CARD8: variants seen among roughly 807,000 people sequenced by gnomAD.
The protein encoded by CARD8 is caspase recruitment domain-containing protein 8.
A neutral mutation model predicts 53.2 loss-of-function variants in CARD8; 38 were observed. The ratio of observed to expected loss-of-function variants is 0.71; its 90% CI spans 0.55 to 0.94. The LOEUF is 0.94. Among genes scored for constraint, CARD8 ranks in the 40% least tolerant of loss-of-function variants. The probability of loss-of-function intolerance (pLI) is 0.00; values close to 1 mark genes in which losing one functional copy is unlikely to be tolerated. For missense variants in CARD8, 561 were observed against 655.5 expected, an observed-to-expected ratio of 0.86 and a Z score of 1.57; for synonymous variants, 245 against 244.9, an observed-to-expected ratio of 1.00 and a Z score of 0.00.
intron 3 of CARD8, among the ~76,000 whole-genome samples, chr19:48,249,183 C>T (rs1227269473): frequency 1.3e-5 from 2 of 148,758 alleles, no homozygotes; most frequent in Admixed American, 6.7e-5. Context: ...GATGACAGAA[C>T]GAGACTCCGT....
intron 4 of CARD8, among the ~76,000 whole-genome samples, chr19:48,238,916 C>T (rs1165582062): frequency 2.0e-5 from 3 of 152,206 alleles, no homozygotes; most frequent in Non-Finnish European, 2.9e-5. Context: ...GTTACCACTT[C>T]GTAGACAATG....
At chr19:48,215,516 C>T in intron 12 of CARD8, 132 bp from the exon 13 acceptor site, 1 of 624,580 alleles carries the variant, frequency 1.6e-6, no homozygotes, top group South Asian at 1.7e-5. Flanking sequence ...GTTTTGCACA[C>T]TAATACACTG....
downstream of CARD8, chr19:48,204,313 G>A (rs2037262649): frequency 1.7e-5 from 7 of 407,076 alleles, 1 homozygote; most frequent in Middle Eastern, 3.5e-4. Flanking sequence ...GGAACTGGAG[G>A]GATGGAGGGT....
In CARD8 at chr19:48,249,122, G is replaced by C. The variant is rs995066759; in HGVS notation, c.-44+401C>G. Among the ~76,000 whole-genome samples, 4 of 150,508 alleles carry C rather than the reference G, an allele frequency of 2.7e-5. No individual in the cohort carries two copies. The East Asian group carries it at 7.9e-4, about 30-fold the overall frequency. On this transcript the variant is annotated intron_variant, in intron 3 of 13. Coordinates refer to ENST00000651546, the MANE Select transcript of CARD8 (RefSeq NM_001184900.3). Reference sequence around the variant, plus strand: ...TGAGGCAGAAGAATCGCTTGAACCCGAGAGGTGGAGGTTGCAGTGAGCCGA... The same window carrying C: ...TGAGGCAGAAGAATCGCTTGAACCCCAGAGGTGGAGGTTGCAGTGAGCCGA...
At position 48,232,461 on chromosome 19, in the gene CARD8, T is replaced by C. The variant is rs895198200; in HGVS notation, c.383A>G (p.Gln128Arg). 9 of 1,535,808 alleles carry C rather than the reference T, an allele frequency of 5.9e-6. No individual in the cohort carries two copies. In the African/African-American group the frequency reaches 6.8e-5, roughly 12 times the overall value. Reference sequence around the variant, plus strand: ...CCCTATTAGCCCATTACCTGAATCTTGTCCCTCTGAAGATTCCTGCTCTTC... The same window carrying C: ...CCCTATTAGCCCATTACCTGAATCTCGTCCCTCTGAAGATTCCTGCTCTTC... ...VSEEQESSEGQDSGDICSEEN... is the reference protein window; with the variant it reads ...VSEEQESSEGRDSGDICSEEN... The change falls in exon 7 of 14, where the codon CAA becomes CGA. Residue 128 changes from glutamine (Q) to arginine (R), a missense_variant. By Grantham distance (43) the Gln-to-Arg change is conservative. Transcript: ENST00000651546.
intron 12 of CARD8, among the ~76,000 whole-genome samples, chr19:48,216,486 A>T (rs1445225617): frequency 6.6e-6 from 1 of 152,184 alleles, no homozygotes; most frequent in African/African-American, 2.4e-5. Flanking sequence ...ATGAGATGCT[A>T]CTCATGTGGA....
In CARD8 at chr19:48,222,443, C is replaced by T. The variant is rs143370567; in HGVS notation, c.1036-588G>A. On this transcript the variant is annotated intron_variant, in intron 10 of 13. Transcript: ENST00000651546. ...CGGTGGTTCACACCTGTAATCCTAG[C>T]GCTTTGGGAGGCCGAGGTGGGCAGA... Among the ~76,000 whole-genome samples the T allele has an allele frequency of 4.5e-3, 687 of 152,282 alleles. 4 individuals carry two copies. The highest frequency in any genetic ancestry group is 0.016 in the African/African-American group (655 of 41,550).
At position 48,249,840 on chromosome 19, in the gene CARD8, C is replaced by G. The variant is rs894726918; in HGVS notation, c.-244G>C. The G allele has an allele frequency of 3.3e-5, 5 of 152,338 alleles. No individual in the cohort carries two copies. In the East Asian group the frequency reaches 7.7e-4, roughly 23 times the overall value. 9.4% of individuals were successfully genotyped at this position (152,338 alleles called of 1,614,324 possible). On this transcript the variant is annotated 5_prime_UTR_variant, in exon 2 of 14. Coordinates refer to ENST00000651546, the MANE Select transcript of CARD8 (RefSeq NM_001184900.3). ...CCAGGCTGCTCTGTGTTCTGTTCCT[C>G]TTGGTCACTTGAGAAGAAAGGGAGA...
Position 48,218,051 on chromosome 19 carries a change from G to A in CARD8, c.1303+820C>T, listed in dbSNP as rs141531262. On this transcript the variant is annotated intron_variant, in intron 12 of 13. Transcript: ENST00000651546. ...CTGTTCTTTACCCCCTAGGTTCGAG[G>A]GTTTCCACCCCTCTCCCAGGCCCCT... 1.1e-3 allele frequency among the ~76,000 whole-genome samples: 171 copies of A among 152,214 alleles called. 2 individuals carry two copies. Among genetic ancestry groups the A allele is most frequent in the African/African-American group, 3.9e-3 (163 of 41,524 alleles).
At chr19:48,254,949 C>T (rs1176721185) in intron 1 of CARD8, among the ~76,000 whole-genome samples, 1 of 152,222 alleles carries the variant, frequency 6.6e-6, no homozygotes, top group Non-Finnish European at 1.5e-5. Context: ...ATCTTTGTAG[C>T]CAAGGAAAAT....
At chr19:48,233,494 G>T (rs2043293135) in intron 6 of CARD8, 2 of 418,398 alleles carry the variant, frequency 4.8e-6, no homozygotes. Flanking sequence ...CCCCTGGGCT[G>T]ACATCCTAAG....
In CARD8 at chr19:48,231,583, C is replaced by G. The variant is rs762743434; in HGVS notation, c.542+77G>C. 7.0e-4 allele frequency: 996 copies of G among 1,431,432 alleles called. 1 individual carries two copies. The highest frequency in any genetic ancestry group is 8.6e-4 in the Non-Finnish European group (910 of 1,062,060). 88.7% of individuals were successfully genotyped at this position (1,431,432 alleles called of 1,614,324 possible). On this transcript the variant is annotated intron_variant, in intron 8 of 13. Coordinates refer to ENST00000651546, the MANE Select transcript of CARD8 (RefSeq NM_001184900.3). ...CTCCCAAAGTGCCGAGATTACAGGC[C>G]TGAGCCACCACGCCTGGCCTACACA...
rs1449106159 is a variant in CARD8, at chr19:48,234,537, G to A, written c.216C>T (p.Tyr72=). 10 of 1,612,046 alleles carry A rather than the reference G, an allele frequency of 6.2e-6. No individual in the cohort carries two copies. Among genetic ancestry groups the A allele is most frequent in the Non-Finnish European group, 7.6e-6 (9 of 1,179,394 alleles). Residue 72 remains tyrosine, a synonymous_variant, in exon 6 of 14, where the codon TAC becomes TAT. Coordinates refer to ENST00000651546, the MANE Select transcript of CARD8 (RefSeq NM_001184900.3). ...AEACVTNDTV[Y]RELPCVSETL... The stretch of plus-strand genomic sequence containing the variant: ...TCTCAGAAACACAGGGTAGCTCCCT[G>A]TATACCCTGGAAAACAACAACAGAA...
At chr19:48,243,297 G>A (rs537394684) in intron 3 of CARD8, among the ~76,000 whole-genome samples, 2 of 152,252 alleles carry the variant, frequency 1.3e-5, no homozygotes, top group Non-Finnish European at 2.9e-5. Context: ...ACAGACGTGA[G>A]CCATTGCCCC....
chr19:48,207,165 C>CAAAAA (rs71334273), downstream of CARD8, among the ~76,000 whole-genome samples: 1 of 81,810 alleles, frequency 1.2e-5, no homozygotes, highest in East Asian at 4.5e-4. Context: ...GACTCTGTCT[C>CAAAAA]AAAAAAAAAA....
downstream of CARD8, among the ~76,000 whole-genome samples, chr19:48,207,785 G>C (rs1277771070): frequency 7.7e-6 from 1 of 129,288 alleles, no homozygotes; most frequent in Non-Finnish European, 1.6e-5. Context: ...AGCCAGGCTG[G>C]AGTGCAGTGG....
chr19:48,246,597 C>T (rs942621083), intron 3 of CARD8, among the ~76,000 whole-genome samples: 3 of 148,286 alleles, frequency 2.0e-5, no homozygotes, highest in Admixed American at 6.7e-5. Flanking sequence ...TATTCTGATA[C>T]ATGAAATAGA....
chr19:48,237,814 A>G (rs1464542202), intron 5 of CARD8, among the ~76,000 whole-genome samples: 1 of 151,908 alleles, frequency 6.6e-6, no homozygotes, highest in Non-Finnish European at 1.5e-5. Context: ...AAAGAAAAAA[A>G]GTATTATCGT....
downstream of CARD8, among the ~76,000 whole-genome samples, chr19:48,207,165 C>CA (rs71334273): frequency 0.52 from 42,019 of 81,102 alleles, 10,016 homozygotes; most frequent in Non-Finnish European, 0.61. Flanking sequence ...GACTCTGTCT[C>CA]AAAAAAAAAA....
Sources: allele counts gnomAD v4.1 joint callset (sites outside exome capture counted in the v4.1 genomes callset), GRCh38; gene constraint gnomAD v4.1.1; transcripts MANE v1.5; gene names NCBI Gene and HGNC (gene_info 2026-07-23, HGNC 2026-07-21).